The following ANKFN1 variants were observed in gnomAD, a reference collection of about 807,000 sequenced individuals.
The protein encoded by ANKFN1 is ankyrin repeat and fibronectin type-III domain-containing protein 1.
A neutral mutation model predicts 108.7 loss-of-function variants in ANKFN1; 74 were observed. The observed-to-expected ratio is 0.68, with a 90% CI of 0.56 to 0.83. ANKFN1 has a LOEUF of 0.83. Among genes scored for constraint, ANKFN1 ranks in the 40% least tolerant of loss-of-function variants. The pLI is 0.00. For missense variants in ANKFN1, 1,505 were observed against 1,382.3 expected (o/e 1.09, Z -1.41); for synonymous variants, 547 against 516.2 (o/e 1.06, Z -0.81).
At chr17:56,096,282 T>G (rs1032062940) in intron 4 of ANKFN1, among the ~76,000 whole-genome samples, 2 of 152,206 alleles carry the variant, frequency 1.3e-5, no homozygotes, top group Non-Finnish European at 2.9e-5. Flanking sequence ...CTATTACTGG[T>G]ACCTTATTGT....
Position 56,218,983 on chromosome 17 carries a change from C to T in ANKFN1, c.12+6304C>T, listed in dbSNP as rs80249799. Among the ~76,000 whole-genome samples, 3 of 152,124 alleles carry T rather than the reference C, an allele frequency of 2.0e-5. No individual in the cohort carries two copies. In the South Asian group the frequency reaches 6.2e-4, roughly 31 times the overall value. On this transcript the variant is annotated intron_variant, in intron 2 of 20. Coordinates refer to ENST00000682825, the MANE Select transcript of ANKFN1 (RefSeq NM_001370326.1). ...AGGTACCCCAGGCATAGGTCTATTA[C>T]AGTACTTTTCACACATCCCTGTAAT...
intron 4 of ANKFN1, among the ~76,000 whole-genome samples, chr17:56,113,370 C>T (rs1039938978): frequency 1.3e-5 from 2 of 152,140 alleles, no homozygotes; most frequent in Admixed American, 6.5e-5. Context: ...GAACTGCATG[C>T]ACAATGAAAA....
At chr17:56,375,191 G>T (rs1291548060) in intron 8 of ANKFN1, among the ~76,000 whole-genome samples, 1 of 152,168 alleles carries the variant, frequency 6.6e-6, no homozygotes, top group African/African-American at 2.4e-5. Flanking sequence ...AAGATAAAAT[G>T]GTGGGATCAG....
chr17:56,467,795 A>AAGG (rs2050156755), intron 15 of ANKFN1, among the ~76,000 whole-genome samples: 1 of 17,704 alleles, frequency 5.6e-5, no homozygotes, highest in Non-Finnish European at 1.0e-4. Flanking sequence ...AAGAAAGAAG[A>AAGG]AAGAAAGAAA....
chr17:56,489,032 G>A (rs2050944235), intron 18 of ANKFN1, among the ~76,000 whole-genome samples: 1 of 152,198 alleles, frequency 6.6e-6, no homozygotes, highest in Non-Finnish European at 1.5e-5. Flanking sequence ...AGAAAAGTGA[G>A]ACTCCCAGAG....
At chr17:56,159,057 C>CAAAAAAAA (rs1909385610) in intron 1 of ANKFN1, among the ~76,000 whole-genome samples, 1 of 64,714 alleles carries the variant, frequency 1.5e-5, no homozygotes. Context: ...AAAAAAAAAG[C>CAAAAAAAA]AGAAGAAGAA....
At chr17:56,497,035 CA>C (rs370994505) in intron 19 of ANKFN1, among the ~76,000 whole-genome samples, 11 of 151,932 alleles carry the variant, frequency 7.2e-5, no homozygotes, top group African/African-American at 2.7e-4. Context: ...AAGCTGAAAG[CA>C]AAAAAATACC....
At position 56,458,103 on chromosome 17, in the gene ANKFN1, T is replaced by C. The variant is rs966681468; in HGVS notation, c.1557+124T>C. On this transcript the variant is annotated intron_variant, in intron 14 of 20. Coordinates refer to ENST00000682825, the MANE Select transcript of ANKFN1 (RefSeq NM_001370326.1). ...CTTCTCTTTCAGACCCCTAAGAATA[T>C]GAAGTTTTCTTGAGCAGCTGGAGCT... 5 of 774,384 alleles carry C rather than the reference T, an allele frequency of 6.5e-6. No homozygotes were observed. The African/African-American group carries it at 8.8e-5, about 14-fold the overall frequency. 48.0% of individuals were successfully genotyped at this position (774,384 alleles called of 1,614,324 possible). A position where few individuals can be genotyped will look rare whatever the true frequency, so the allele number is the denominator to read the frequency against.
At chr17:56,302,530 A>G (rs991753509) in intron 3 of ANKFN1, among the ~76,000 whole-genome samples, 3 of 151,720 alleles carry the variant, frequency 2.0e-5, no homozygotes, top group Middle Eastern at 3.4e-3. Flanking sequence ...AAAAAAAAAA[A>G]AAAGAGAGAG....
At chr17:56,052,723 G>C (rs1368227417) in intron 4 of ANKFN1, among the ~76,000 whole-genome samples, 1 of 152,010 alleles carries the variant, frequency 6.6e-6, no homozygotes, top group Non-Finnish European at 1.5e-5. Context: ...ATTGTTTCAT[G>C]TCATCCTCTC....
chr17:56,326,263 C>T lies in ANKFN1; in HGVS notation c.96C>T (p.His32=), dbSNP rs746509775. 5.0e-6 allele frequency: 8 copies of T among 1,613,884 alleles called. No homozygotes were observed. The South Asian group carries it at 7.7e-5, about 16-fold the overall frequency. Residue 32 remains histidine, a synonymous_variant, in exon 4 of 21, where the codon CAC becomes CAT. Coordinates refer to ENST00000682825, the MANE Select transcript of ANKFN1 (RefSeq NM_001370326.1). The part of the protein sequence containing the change: ...RFACFAQRLS[H]RRKQSQCDLL... ...CTTGCTTTGCACAGAGGCTGAGCCA[C>T]AGGAGAAAGCAAAGCCAATGTGATT...
At chr17:56,140,640 T>A (rs1043719414) in intron 4 of ANKFN1, among the ~76,000 whole-genome samples, 4 of 152,192 alleles carry the variant, frequency 2.6e-5, no homozygotes, top group African/African-American at 9.6e-5. Flanking sequence ...TGTTTGTTCA[T>A]CTAAAAAGAA....
intron 1 of ANKFN1, chr17:56,206,721 T>C (rs1299198797): frequency 6.6e-6 from 1 of 152,080 alleles, no homozygotes; most frequent in Non-Finnish European, 1.5e-5. Context: ...ATGAAGAAAT[T>C]AATACTATCC....
At chr17:56,463,914 C>G (rs758753243) in intron 14 of ANKFN1, 1 of 152,168 alleles carries the variant, frequency 6.6e-6, no homozygotes, top group African/African-American at 2.4e-5. Flanking sequence ...GTGCCTCTGC[C>G]TAGGGCTTAT....
chr17:56,052,711 A>G (rs533462134), intron 4 of ANKFN1, among the ~76,000 whole-genome samples: 105 of 152,094 alleles, frequency 6.9e-4, no homozygotes, highest in Non-Finnish European at 1.4e-3. Context: ...TGTTCTAGCT[A>G]CATTGTTTCA....
intron 3 of ANKFN1, among the ~76,000 whole-genome samples, chr17:56,285,686 C>G (rs1263494267): frequency 2.6e-5 from 4 of 152,192 alleles, no homozygotes; most frequent in African/African-American, 9.7e-5. Context: ...ACACAGACTT[C>G]CCTGCCCAGA....
intron 8 of ANKFN1, among the ~76,000 whole-genome samples, chr17:56,434,559 C>T (rs553402772): frequency 7.2e-5 from 11 of 152,134 alleles, no homozygotes; most frequent in African/African-American, 2.2e-4. Context: ...TAATGCATGC[C>T]CCTGTTCCTA....
intron 4 of ANKFN1, among the ~76,000 whole-genome samples, chr17:56,095,734 G>T (rs550388204): frequency 6.6e-6 from 1 of 152,352 alleles, no homozygotes; most frequent in Non-Finnish European, 1.5e-5. Flanking sequence ...AAAGCCAGGG[G>T]AGGTCACTGG....
upstream of ANKFN1, chr17:56,153,390 C>T (rs565468744): frequency 3.4e-5 from 43 of 1,271,810 alleles, 1 homozygote; most frequent in South Asian, 4.4e-4. Context: ...CAGCCATGCT[C>T]AGTCTCCCTG....
Sources: allele counts gnomAD v4.1 joint callset (sites outside exome capture counted in the v4.1 genomes callset), GRCh38; gene constraint gnomAD v4.1.1; transcripts MANE v1.5; gene names NCBI Gene and HGNC (gene_info 2026-07-23, HGNC 2026-07-21).